Variants in DMGDH observed in about 807,000 individuals in gnomAD.
DMGDH encodes dimethylglycine dehydrogenase, mitochondrial.
DMGDH carries 76 observed loss-of-function variants against 95.2 expected under a neutral mutation model. That is an observed-to-expected ratio of 0.80 (90% CI 0.66 to 0.97). DMGDH has a LOEUF of 0.97. Among genes scored for constraint, DMGDH ranks in the 50% least tolerant of loss-of-function variants. The pLI, the probability that DMGDH is intolerant of heterozygous loss-of-function variation, is 0.00. For synonymous variants in DMGDH, 345 were observed against 377.6 expected, an observed-to-expected ratio of 0.91 and a Z score of 1.00; for missense variants, 987 against 1,055.0, an observed-to-expected ratio of 0.94 and a Z score of 0.89.
chr5:79,032,729 T>G lies in DMGDH; in HGVS notation c.1475A>C (p.Gln492Pro). Residue 492 changes from glutamine (Q) to proline (P), a missense_variant, in exon 9 of 16, where the codon CAG becomes CCG. Gln to Pro is a moderately conservative substitution (Grantham distance 76). Transcript: ENST00000255189. ...CSMGFHAGWE[Q>P]PHWFYKPGQD... is the part of the protein sequence containing the mutation. ...GCCTGGTTTGTAGAACCAGTGCGGC[T>G]GCTCCCAGCCAGCATGGAACCCCAT... The G allele has an allele frequency of 6.2e-7, 1 of 1,614,208 alleles. No individual in the cohort carries two copies. The highest frequency in any genetic ancestry group is 8.5e-7 in the Non-Finnish European group (1 of 1,180,042).
chr5:79,032,489 G>A (rs201482258), intron 9 of DMGDH, among the ~76,000 whole-genome samples, 198 bp downstream of exon 9: 25 of 152,342 alleles, frequency 1.6e-4, no homozygotes, highest in East Asian at 7.7e-4. Flanking sequence ...TCAGGGTCAC[G>A]TGAGTCCTAG....
intron 7 of DMGDH, among the ~76,000 whole-genome samples, chr5:79,034,930 G>A (rs1342891997): frequency 6.6e-6 from 1 of 151,288 alleles, no homozygotes; most frequent in Admixed American, 6.6e-5. Flanking sequence ...GTTGGCGGGC[G>A]CCTGTAGTCC....
intron 15 of DMGDH, among the ~76,000 whole-genome samples, chr5:78,999,628 C>T (rs2004599): frequency 0.034 from 5,213 of 152,218 alleles, 271 homozygotes; most frequent in African/African-American, 0.12. Context: ...CCACCACGCC[C>T]GGCTGTTCTC....
intron 5 of DMGDH, among the ~76,000 whole-genome samples, chr5:79,047,349 T>TA (rs1322573826): frequency 6.6e-6 from 1 of 152,170 alleles, no homozygotes; most frequent in Non-Finnish European, 1.5e-5. Flanking sequence ...CTAGATGGTT[T>TA]ATATGATGAC....
At chr5:79,011,556 C>T (rs1753647441) in intron 14 of DMGDH, among the ~76,000 whole-genome samples, 1 of 152,118 alleles carries the variant, frequency 6.6e-6, no homozygotes, top group South Asian at 2.1e-4. Context: ...TAAAGAAATA[C>T]CTGAGACTGG....
intron 7 of DMGDH, among the ~76,000 whole-genome samples, chr5:79,041,595 C>T (rs1251753961): frequency 2.6e-5 from 4 of 152,148 alleles, no homozygotes; most frequent in Non-Finnish European, 5.9e-5. Context: ...TTTGTCACAT[C>T]GTGTTATGAA....
Position 79,021,035 on chromosome 5 carries a change from C to A in DMGDH, c.2250+3236G>T, listed in dbSNP as rs577336513. On this transcript the variant is annotated intron_variant, in intron 14 of 15. Transcript: ENST00000255189. ...CTACTGATTTTCCTCCCAAAAGTTACTTCCTTTGGAACATACCAAAAATAC... is the reference window on the plus strand; with the variant it reads ...CTACTGATTTTCCTCCCAAAAGTTAATTCCTTTGGAACATACCAAAAATAC... 1.5e-5 allele frequency: 15 copies of A among 985,478 alleles called. No homozygotes were observed. The African/African-American group carries it at 2.6e-4, about 17-fold the overall frequency. The allele number at this position is 985,478 out of a possible 1,614,324, so 61.0% of individuals were successfully genotyped here. A position where few individuals can be genotyped will look rare whatever the true frequency, so the allele number is the denominator to read the frequency against.
intron 14 of DMGDH, among the ~76,000 whole-genome samples, chr5:79,023,318 C>G (rs1344383722): frequency 3.3e-5 from 5 of 152,122 alleles, no homozygotes; most frequent in Admixed American, 3.3e-4. Context: ...TGCCCTTATT[C>G]TTCAATACTA....
chr5:79,030,627 CAA>C (rs1318741051), intron 10 of DMGDH: 2 of 441,998 alleles, frequency 4.5e-6, no homozygotes, highest in Non-Finnish European at 7.4e-6. Flanking sequence ...GCCTGGGTGA[CAA>C]AGCAAGACTC....
chr5:79,021,711 A>G, intron 14 of DMGDH: 1 of 1,292,958 alleles, frequency 7.7e-7, no homozygotes, highest in Non-Finnish European at 1.0e-6. Flanking sequence ...TAGTTACAGC[A>G]AAAACATGTG....
intron 7 of DMGDH, among the ~76,000 whole-genome samples, chr5:79,036,926 C>A (rs1754362401): frequency 6.6e-6 from 1 of 151,886 alleles, no homozygotes; most frequent in South Asian, 2.1e-4. Context: ...TTGGGAAGTA[C>A]TTAGGGTTAA....
At chr5:79,059,195 CAAGAGCTATGTGATT>C (rs1561230275) in intron 2 of DMGDH, among the ~76,000 whole-genome samples, 1 of 152,206 alleles carries the variant, frequency 6.6e-6, no homozygotes, top group Non-Finnish European at 1.5e-5. Context: ...AACATTTTAG[CAAGAGCTATGTGATT>C]AATACATTTC....
At chr5:79,005,850 AT>A (rs1306617376) in intron 14 of DMGDH, among the ~76,000 whole-genome samples, 5 of 151,746 alleles carry the variant, frequency 3.3e-5, no homozygotes, top group African/African-American at 1.2e-4. Context: ...AAAATGCAGT[AT>A]TTTTTTTCTT....
intron 15 of DMGDH, among the ~76,000 whole-genome samples, chr5:79,002,875 T>C (rs1753477162): frequency 6.6e-6 from 1 of 152,166 alleles, no homozygotes; most frequent in Non-Finnish European, 1.5e-5. Flanking sequence ...GCAGGCAAAC[T>C]CATATTAGGA....
At chr5:79,047,423 C>T (rs1425867580) in intron 5 of DMGDH, among the ~76,000 whole-genome samples, 3 of 152,078 alleles carry the variant, frequency 2.0e-5, no homozygotes, top group Non-Finnish European at 4.4e-5. Flanking sequence ...TTTGGCTGAA[C>T]ACTGAGCTTC....
At chr5:79,057,259 A>G (rs1029787282) in intron 2 of DMGDH, among the ~76,000 whole-genome samples, 2 of 152,250 alleles carry the variant, frequency 1.3e-5, no homozygotes, top group East Asian at 1.9e-4. Context: ...AAGAATTCTA[A>G]GCAATTATTT....
intron 1 of DMGDH, among the ~76,000 whole-genome samples, chr5:79,067,793 T>TGTATTAGATATGTAATAATA (rs1420985468): frequency 6.6e-6 from 1 of 152,198 alleles, no homozygotes; most frequent in Non-Finnish European, 1.5e-5. Context: ...GTCAGTTATC[T>TGTATTAGATATGTAATAATA]TCTGTATTAG....
chr5:79,067,221 G>A (rs1755406033), intron 1 of DMGDH, among the ~76,000 whole-genome samples: 1 of 152,164 alleles, frequency 6.6e-6, no homozygotes, highest in Non-Finnish European at 1.5e-5. Flanking sequence ...TGTTTCAGCA[G>A]TTTTGTTTCA....
intron 15 of DMGDH, among the ~76,000 whole-genome samples, chr5:79,003,912 A>G (rs1753499426): frequency 6.6e-6 from 1 of 151,808 alleles, no homozygotes; most frequent in Non-Finnish European, 1.5e-5. Flanking sequence ...ACGCCACTGC[A>G]CTCCAGCTTG....
Sources: allele counts gnomAD v4.1 joint callset (sites outside exome capture counted in the v4.1 genomes callset), GRCh38; gene constraint gnomAD v4.1.1; transcripts MANE v1.5; gene names NCBI Gene and HGNC (gene_info 2026-07-23, HGNC 2026-07-21).